The following DMD variants were observed in gnomAD, a reference collection of about 807,000 sequenced individuals.
DMD encodes the protein mutant dystrophin.
In DMD, 63 loss-of-function variants were observed where a neutral mutation model predicts 330.1. The observed-to-expected ratio is 0.19, with a 90% CI of 0.16 to 0.24. The LOEUF is 0.24. DMD is among the 10% of genes least tolerant of loss of function. DMD has a pLI of 1.00. For synonymous variants in DMD, 1,223 were observed against 959.8 expected (o/e 1.27, Z -5.07); for missense variants, 3,344 against 2,684.1 (o/e 1.25, Z -5.43).
chrX:32,367,137 A>G (rs2097857358), intron 34 of DMD, among the ~76,000 whole-genome samples: 1 of 111,857 alleles, frequency 8.9e-6, no homozygotes, highest in Non-Finnish European at 1.9e-5. Flanking sequence ...GTAGATACAG[A>G]CCCTTTAGAG....
At chrX:32,628,053 T>C (rs1422990829) in intron 11 of DMD, among the ~76,000 whole-genome samples, 1 of 109,256 alleles carries the variant, frequency 9.2e-6, no homozygotes, top group Non-Finnish European at 1.9e-5. Flanking sequence ...AACATTCCAA[T>C]TATACTTTTT....
At position 32,062,178 on chromosome X, in the gene DMD, T is replaced by C. The variant is rs1347001333; in HGVS notation, c.6439-93664A>G. Among the ~76,000 whole-genome samples the C allele has an allele frequency of 2.7e-5, 3 of 110,784 alleles. No homozygotes were observed. The East Asian group carries it at 8.6e-4, about 32-fold the overall frequency. ...GATATTTATAAGGTCTGGCTTCGTA[T>C]CAAGCAGTTATGTAAAGTGTAAAGA... On this transcript the variant is annotated intron_variant, in intron 44 of 78. Coordinates refer to ENST00000357033, the MANE Select transcript of DMD (RefSeq NM_004006.3).
At chrX:33,035,085 G>A (rs1396292369) in intron 1 of DMD, among the ~76,000 whole-genome samples, 3 of 111,964 alleles carry the variant, frequency 2.7e-5, no homozygotes, top group Non-Finnish European at 3.8e-5. Context: ...TTTGAAAAAT[G>A]TTGGATGAAA....
At chrX:32,717,405 A>G (rs2065842737) in intron 7 of DMD, among the ~76,000 whole-genome samples, 1 of 111,816 alleles carries the variant, frequency 8.9e-6, no homozygotes, top group Non-Finnish European at 1.9e-5. Context: ...AGCCATAAGC[A>G]TTGGTGGCTT....
chrX:33,017,356 T>C (rs2093822362), intron 2 of DMD, among the ~76,000 whole-genome samples: 1 of 94,532 alleles, frequency 1.1e-5, no homozygotes, highest in African/African-American at 3.7e-5. Context: ...AATTATCATC[T>C]GTCTGTGTGG....
intron 1 of DMD, among the ~76,000 whole-genome samples, chrX:33,293,560 T>G (rs986532153): frequency 1.8e-5 from 2 of 111,369 alleles, no homozygotes; most frequent in African/African-American, 6.5e-5. Context: ...ACATTAATTC[T>G]TATTATGTCC....
intron 29 of DMD, among the ~76,000 whole-genome samples, chrX:32,423,370 C>A (rs2098198399): frequency 9.2e-6 from 1 of 108,691 alleles, no homozygotes; most frequent in African/African-American, 3.3e-5. Flanking sequence ...ATATTAATGC[C>A]CTCCAAGAGC....
chrX:33,042,695 T>C (rs1569551224), intron 1 of DMD, among the ~76,000 whole-genome samples: 1 of 112,684 alleles, frequency 8.9e-6, no homozygotes, highest in Non-Finnish European at 1.9e-5. Context: ...CTAAATGCAT[T>C]CACAGCCTGT....
intron 1 of DMD, among the ~76,000 whole-genome samples, chrX:33,324,550 A>G (rs2054062854): frequency 9.0e-6 from 1 of 111,504 alleles, no homozygotes; most frequent in South Asian, 3.7e-4. Context: ...CCTTCAATCA[A>G]TTAAAAATAT....
intron 60 of DMD, among the ~76,000 whole-genome samples, chrX:31,409,237 G>A (rs900384334): frequency 5.4e-5 from 6 of 112,121 alleles, no homozygotes; most frequent in East Asian, 2.8e-4. Context: ...TTTTCTTTGC[G>A]TTTACTCCCT....
intron 9 of DMD, among the ~76,000 whole-genome samples, chrX:32,689,388 G>C (rs762267880): frequency 9.0e-6 from 1 of 111,034 alleles, no homozygotes. Flanking sequence ...AGTCTGAATA[G>C]ATCAATACAA....
intron 7 of DMD, among the ~76,000 whole-genome samples, chrX:32,726,694 GTTT>G (rs756373396): frequency 1.8e-5 from 2 of 110,540 alleles, no homozygotes; most frequent in African/African-American, 6.6e-5. Context: ...TTTGTGGGAA[GTTT>G]TTTTTATTAT....
chrX:32,736,387 C>A (rs181778833), intron 7 of DMD, among the ~76,000 whole-genome samples: 1,399 of 111,077 alleles, frequency 0.013, 23 homozygotes, highest in African/African-American at 0.036. Context: ...AACTAGAAAT[C>A]GCATTTGACC....
intron 74 of DMD, among the ~76,000 whole-genome samples, chrX:31,149,221 A>G (rs1002361776): frequency 7.1e-5 from 8 of 112,110 alleles, no homozygotes; most frequent in Admixed American, 2.8e-4. Flanking sequence ...TGTATGGTCC[A>G]TCTATTTCCC....
At chrX:31,813,928 A>G (rs1051226142) in intron 50 of DMD, among the ~76,000 whole-genome samples, 2 of 111,670 alleles carry the variant, frequency 1.8e-5, no homozygotes, top group Admixed American at 9.5e-5. Flanking sequence ...GAGCACAGCC[A>G]TGTCCCTTTA....
intron 17 of DMD, among the ~76,000 whole-genome samples, chrX:32,532,366 C>A (rs908710926): frequency 3.6e-5 from 4 of 111,724 alleles, no homozygotes; most frequent in Non-Finnish European, 7.5e-5. Context: ...CCCAGTCAAG[C>A]ATTTTATTTC....
intron 13 of DMD, among the ~76,000 whole-genome samples, chrX:32,593,965 G>T (rs1235979856): frequency 8.9e-6 from 1 of 111,850 alleles, no homozygotes; most frequent in Non-Finnish European, 1.9e-5. Context: ...TCTAATTATC[G>T]GAGAGCACAC....
intron 16 of DMD, among the ~76,000 whole-genome samples, chrX:32,545,939 A>C (rs1003403342): frequency 2.7e-5 from 3 of 109,829 alleles, no homozygotes. Flanking sequence ...AATGTTATTC[A>C]AATGCTAAAA....
At chrX:32,530,892 C>T (rs2047414762) in intron 17 of DMD, among the ~76,000 whole-genome samples, 1 of 111,687 alleles carries the variant, frequency 9.0e-6, no homozygotes, top group South Asian at 3.7e-4. Flanking sequence ...ATAATATACT[C>T]AAGTTGAAAA....
Sources: allele counts gnomAD v4.1 joint callset (sites outside exome capture counted in the v4.1 genomes callset), GRCh38; gene constraint gnomAD v4.1.1; transcripts MANE v1.5; gene names NCBI Gene and HGNC (gene_info 2026-07-23, HGNC 2026-07-21).